The following PRELID2 variants were observed in gnomAD, a reference collection of about 807,000 sequenced individuals.
The protein encoded by PRELID2 is PRELI domain containing 2.
A neutral mutation model predicts 28.4 loss-of-function variants in PRELID2; 25 were observed. The ratio of observed to expected loss-of-function variants is 0.88; its 90% CI spans 0.64 to 1.23. PRELID2 has a LOEUF of 1.23. PRELID2 is among the 50% of genes most tolerant of loss of function. The pLI, the probability that PRELID2 is intolerant of heterozygous loss-of-function variation, is 0.00. For missense variants in PRELID2, 201 were observed against 214.4 expected, an observed-to-expected ratio of 0.94 and a Z score of 0.39; for synonymous variants, 76 against 71.6, an observed-to-expected ratio of 1.06 and a Z score of -0.31.
intron 4 of PRELID2, among the ~76,000 whole-genome samples, chr5:145,816,177 G>T (rs1393253820): frequency 1.3e-5 from 2 of 149,334 alleles, no homozygotes; most frequent in East Asian, 4.0e-4. Context: ...TCGTCTCCTG[G>T]GTTCAAGCTA....
chr5:145,820,465 C>G (rs1261948056), intron 2 of PRELID2, among the ~76,000 whole-genome samples: 1 of 152,096 alleles, frequency 6.6e-6, no homozygotes, highest in Non-Finnish European at 1.5e-5. Context: ...TGACGATGAC[C>G]AGTGGGACTC....
In PRELID2 at chr5:145,615,047, C is replaced by A. The variant is rs183483609; in HGVS notation, n.71-141732G>T. Reference sequence around the variant, plus strand: ...TATTGTGTTGCTGTCTGTTTCATTTCTTAGGTCTATTAGTAATTGTTTTAT... The same window carrying A: ...TATTGTGTTGCTGTCTGTTTCATTTATTAGGTCTATTAGTAATTGTTTTAT... On this transcript the variant is annotated intron_variant and non_coding_transcript_variant, in intron 1 of 2. Transcript: ENST00000510259. Among the ~76,000 whole-genome samples the A allele has an allele frequency of 3.1e-3, 465 of 152,162 alleles. 2 individuals carry two copies. Among genetic ancestry groups the A allele is most frequent in the African/African-American group, 0.011 (449 of 41,516 alleles).
chr5:145,446,648 A>C, the PRELID2 span, among the ~76,000 whole-genome samples: 1 of 152,030 alleles, frequency 6.6e-6, no homozygotes, highest in Admixed American at 6.5e-5. Context: ...AGGGAAAGGG[A>C]GAGATTAACA....
chr5:145,327,096 T>A, the PRELID2 span, among the ~76,000 whole-genome samples: 1 of 152,176 alleles, frequency 6.6e-6, no homozygotes, highest in Non-Finnish European at 1.5e-5. Context: ...ATTCTGCTAT[T>A]GTTGGAAGAA....
chr5:145,657,021 C>T (rs1311301164), intron 1 of PRELID2, among the ~76,000 whole-genome samples: 2 of 151,986 alleles, frequency 1.3e-5, no homozygotes, highest in African/African-American at 2.4e-5. Context: ...TAGTACAGTG[C>T]CTGGAACATG....
chr5:145,423,905 T>C, the PRELID2 span, among the ~76,000 whole-genome samples: 1 of 148,698 alleles, frequency 6.7e-6, no homozygotes, highest in Non-Finnish European at 1.5e-5. Context: ...GATGTACAGA[T>C]GGGTTTTTGG....
chr5:145,646,896 G>C (rs1307627272), intron 1 of PRELID2, among the ~76,000 whole-genome samples: 1 of 152,036 alleles, frequency 6.6e-6, no homozygotes, highest in African/African-American at 2.4e-5. Context: ...TGGAAGCTTT[G>C]TCCGGAATGG....
Position 145,742,324 on chromosome 5 carries a change from A to ATG in PRELID2, n.70+22606_70+22607insCA, listed in dbSNP as rs1491518500. On this transcript the variant is annotated intron_variant and non_coding_transcript_variant, in intron 1 of 2. Transcript: ENST00000510259. ...TATTTATATATATAAATAAAAATAGATATATTTTTTTTTTCTGGCTACATC... is the reference window on the plus strand; with the variant it reads ...TATTTATATATATAAATAAAAATAGATGTATATTTTTTTTTTCTGGCTACATC... Among the ~76,000 whole-genome samples the ATG allele has an allele frequency of 3.3e-4, 16 of 48,824 alleles. 1 individual carries two copies. The highest frequency in any genetic ancestry group is 1.2e-3 in the Admixed American group (4 of 3,254). The allele number at this position is 48,824 out of a possible 152,430, so 32.0% of individuals were successfully genotyped here. A position where few individuals can be genotyped will look rare whatever the true frequency, so the allele number is the denominator to read the frequency against.
chr5:145,256,651 C>A, the PRELID2 span, among the ~76,000 whole-genome samples: 1 of 151,840 alleles, frequency 6.6e-6, no homozygotes, highest in East Asian at 1.9e-4. Context: ...AAATCCCAGA[C>A]AGGAAAAACA....
chr5:145,797,578 C>T (rs1269086214), intron 4 of PRELID2, among the ~76,000 whole-genome samples: 2 of 152,110 alleles, frequency 1.3e-5, no homozygotes, highest in African/African-American at 4.8e-5. Flanking sequence ...GTACCTCAGA[C>T]AGACAACAAG....
At chr5:145,447,401 C>G in the PRELID2 span, among the ~76,000 whole-genome samples, 7 of 149,858 alleles carry the variant, frequency 4.7e-5, no homozygotes, top group Admixed American at 4.6e-4. Context: ...ATAATTCTCA[C>G]TTGAGCTTCT....
intron 1 of PRELID2, among the ~76,000 whole-genome samples, chr5:145,675,456 G>A (rs893348065): frequency 7.2e-5 from 11 of 152,198 alleles, no homozygotes; most frequent in Non-Finnish European, 1.5e-4. Context: ...CCATTGAGAA[G>A]AGATTGACAC....
chr5:145,715,169 C>T (rs1056084509), intron 1 of PRELID2, among the ~76,000 whole-genome samples: 1 of 152,104 alleles, frequency 6.6e-6, no homozygotes, highest in Non-Finnish European at 1.5e-5. Context: ...ATTATCAAAA[C>T]AGAACTTTTC....
intron 1 of PRELID2, among the ~76,000 whole-genome samples, chr5:145,723,394 A>C (rs1392082563): frequency 6.6e-6 from 1 of 152,184 alleles, no homozygotes; most frequent in African/African-American, 2.4e-5. Context: ...AGGTCTGTAC[A>C]AAGGAGTAAT....
chr5:145,559,880 C>G (rs1379451153), intron 1 of PRELID2, among the ~76,000 whole-genome samples: 1 of 151,636 alleles, frequency 6.6e-6, no homozygotes, highest in Non-Finnish European at 1.5e-5. Context: ...AAAGAATACC[C>G]TCTTTATTGT....
chr5:145,808,317 C>T (rs1011706488), intron 4 of PRELID2, among the ~76,000 whole-genome samples: 1 of 151,954 alleles, frequency 6.6e-6, no homozygotes, highest in Non-Finnish European at 1.5e-5. Flanking sequence ...TAAAAACACA[C>T]AGAAGTCACC....
intron 1 of PRELID2, among the ~76,000 whole-genome samples, chr5:145,610,645 T>C (rs1194343173): frequency 6.6e-6 from 1 of 152,140 alleles, no homozygotes; most frequent in Non-Finnish European, 1.5e-5. Flanking sequence ...AATTAGTACC[T>C]AGATGTAAAG....
At chr5:145,728,280 A>T (rs1206521805) in intron 1 of PRELID2, 1 of 262,384 alleles carries the variant, frequency 3.8e-6, no homozygotes, top group Non-Finnish European at 7.5e-6. Context: ...TCCCTATGAT[A>T]CCTGTTAGTT....
At chr5:145,318,305 C>T in the PRELID2 span, among the ~76,000 whole-genome samples, 1 of 152,276 alleles carries the variant, frequency 6.6e-6, no homozygotes, top group East Asian at 1.9e-4. Context: ...GTCAGCCACC[C>T]TTTTCCACAC....
Sources: allele counts gnomAD v4.1 joint callset (sites outside exome capture counted in the v4.1 genomes callset), GRCh38; gene constraint gnomAD v4.1.1; transcripts MANE v1.5; gene names NCBI Gene and HGNC (gene_info 2026-07-23, HGNC 2026-07-21).